KIF6: variants seen among roughly 807,000 people sequenced by gnomAD.
KIF6 encodes the protein kinesin-like protein KIF6.
A neutral mutation model predicts 112.7 loss-of-function variants in KIF6; 106 were observed. That is an observed-to-expected ratio of 0.94 (90% CI 0.80 to 1.11). The LOEUF is 1.11. Among genes scored for constraint, KIF6 ranks in the 50% least tolerant of loss-of-function variants. The pLI is 0.00. For missense variants in KIF6, 929 were observed against 964.0 expected (o/e 0.96, Z 0.48); for synonymous variants, 339 against 339.9 (o/e 1.00, Z 0.03).
chr6:39,642,331 G>C (rs907234396), intron 3 of KIF6, among the ~76,000 whole-genome samples: 3 of 152,156 alleles, frequency 2.0e-5, no homozygotes, highest in Non-Finnish European at 4.4e-5. Context: ...GGAACCATGA[G>C]CTTTGTGGTA....
chr6:39,704,081 GA>G (rs35233410), intron 3 of KIF6, among the ~76,000 whole-genome samples: 24 of 152,106 alleles, frequency 1.6e-4, no homozygotes, highest in East Asian at 3.9e-4. Flanking sequence ...AGTTAAGGGG[GA>G]AAAAAATCAT....
chr6:39,620,612 C>G (rs955579541), intron 5 of KIF6: 1 of 151,926 alleles, frequency 6.6e-6, no homozygotes, highest in Non-Finnish European at 1.5e-5. Flanking sequence ...TAGAAAGAAC[C>G]AAGAAAGCAG....
intron 5 of KIF6, among the ~76,000 whole-genome samples, chr6:39,632,301 C>T (rs750495673): frequency 6.6e-6 from 1 of 152,208 alleles, no homozygotes; most frequent in Admixed American, 6.5e-5. Context: ...TTGTGCAGCA[C>T]CAACATGACC....
intron 19 of KIF6, among the ~76,000 whole-genome samples, chr6:39,349,924 T>G (rs2113933014): frequency 6.6e-6 from 1 of 152,216 alleles, no homozygotes; most frequent in African/African-American, 2.4e-5. Flanking sequence ...GGATTACAGG[T>G]GTGAGCCATC....
At chr6:39,610,888 C>T (rs554405198) in intron 6 of KIF6, among the ~76,000 whole-genome samples, 4 of 152,224 alleles carry the variant, frequency 2.6e-5, no homozygotes, top group African/African-American at 9.6e-5. Context: ...ATAAAACAGG[C>T]TTTACATAGG....
Position 39,584,989 on chromosome 6 carries a change from G to T in KIF6, c.991-5C>A. Reference sequence around the variant, plus strand: ...TCTGCAGGTTGATATAGACTCCTAAGAAAGCAAAGTAACTTCTTAAAATAT... The same window carrying T: ...TCTGCAGGTTGATATAGACTCCTAATAAAGCAAAGTAACTTCTTAAAATAT... On this transcript the variant is annotated splice_region_variant and splice_polypyrimidine_tract_variant and intron_variant, in intron 8 of 22. Transcript: ENST00000287152. 6.5e-7 allele frequency: 1 copy of T among 1,534,104 alleles called. No individual in the cohort carries two copies. The highest frequency in any genetic ancestry group is 9.0e-7 in the Non-Finnish European group (1 of 1,109,306).
intron 10 of KIF6, among the ~76,000 whole-genome samples, chr6:39,568,483 G>A (rs1388642722): frequency 6.6e-6 from 1 of 152,072 alleles, no homozygotes; most frequent in Non-Finnish European, 1.5e-5. Context: ...AATATCATTT[G>A]AACAGTTTCA....
At chr6:39,411,355 G>A (rs879889524) in intron 15 of KIF6, among the ~76,000 whole-genome samples, 2 of 152,156 alleles carry the variant, frequency 1.3e-5, no homozygotes, top group South Asian at 2.1e-4. Flanking sequence ...TCTTATGATC[G>A]TATCTTAATG....
chr6:39,363,197 A>G (rs1461689898), intron 16 of KIF6, among the ~76,000 whole-genome samples: 1 of 152,144 alleles, frequency 6.6e-6, no homozygotes, highest in Non-Finnish European at 1.5e-5. Flanking sequence ...AAAGCCCTTC[A>G]CAAAAAAAGG....
intron 1 of KIF6, among the ~76,000 whole-genome samples, chr6:39,723,503 G>A (rs998418821): frequency 1.3e-5 from 2 of 152,192 alleles, no homozygotes; most frequent in African/African-American, 4.8e-5. Flanking sequence ...ATGCCCATCA[G>A]TGATAGACTG....
intron 15 of KIF6, among the ~76,000 whole-genome samples, chr6:39,411,855 G>T (rs1348854674): frequency 6.6e-6 from 1 of 152,332 alleles, no homozygotes; most frequent in Non-Finnish European, 1.5e-5. Flanking sequence ...AATCTAGCTT[G>T]TTTCCTGGGA....
At chr6:39,530,954 A>G (rs748956493) in intron 13 of KIF6, among the ~76,000 whole-genome samples, 1 of 152,170 alleles carries the variant, frequency 6.6e-6, no homozygotes, top group Non-Finnish European at 1.5e-5. Context: ...GTAATGAACT[A>G]TCCCATTACC....
At chr6:39,658,411 C>T (rs1468624570) in intron 3 of KIF6, among the ~76,000 whole-genome samples, 1 of 152,042 alleles carries the variant, frequency 6.6e-6, no homozygotes, top group East Asian at 1.9e-4. Context: ...TAGAAAGCAC[C>T]TATTTCCAAA....
chr6:39,708,393 A>G (rs1210879998), intron 3 of KIF6, among the ~76,000 whole-genome samples: 2 of 152,216 alleles, frequency 1.3e-5, no homozygotes, highest in African/African-American at 2.4e-5. Flanking sequence ...GATAATGTTC[A>G]TCACTGGTGA....
Position 39,484,754 on chromosome 6 carries a change from C to T in KIF6, c.1646-53593G>A, listed in dbSNP as rs947897311. On this transcript the variant is annotated intron_variant, in intron 13 of 22. Transcript: ENST00000287152. ...ATTTTTCTCCACATTAAGCTACATT[C>T]CTCTTCCTAAGGACTGGGCCTGTAT... Among the ~76,000 whole-genome samples, 12 of 152,312 alleles carry T rather than the reference C, an allele frequency of 7.9e-5. No homozygotes were observed. The South Asian group carries it at 2.5e-3, about 32-fold the overall frequency.
chr6:39,457,778 G>A (rs1205054862), intron 13 of KIF6, among the ~76,000 whole-genome samples: 1 of 152,254 alleles, frequency 6.6e-6, no homozygotes, highest in Admixed American at 6.5e-5. Flanking sequence ...TAGAAGAAAT[G>A]GGTACAATCC....
At chr6:39,446,747 C>A (rs1772353983) in intron 13 of KIF6, among the ~76,000 whole-genome samples, 1 of 152,198 alleles carries the variant, frequency 6.6e-6, no homozygotes, top group Admixed American at 6.5e-5. Flanking sequence ...GCCTCGGCCT[C>A]CCAAATTGCT....
chr6:39,446,700 G>C (rs1451898514), intron 13 of KIF6, among the ~76,000 whole-genome samples: 1 of 152,172 alleles, frequency 6.6e-6, no homozygotes, highest in African/African-American at 2.4e-5. Context: ...ATGTTGGCCA[G>C]GCTGGTCTTA....
chr6:39,707,698 A>T (rs1582495827), intron 3 of KIF6, among the ~76,000 whole-genome samples: 1 of 152,344 alleles, frequency 6.6e-6, no homozygotes, highest in Non-Finnish European at 1.5e-5. Flanking sequence ...GTCACTAAGC[A>T]TGTTTTTTGA....
Sources: allele counts gnomAD v4.1 joint callset (sites outside exome capture counted in the v4.1 genomes callset), GRCh38; gene constraint gnomAD v4.1.1; transcripts MANE v1.5; gene names NCBI Gene and HGNC (gene_info 2026-07-23, HGNC 2026-07-21).